ATF6: variants seen among roughly 807,000 people sequenced by gnomAD.
The protein encoded by ATF6 is cyclic AMP-dependent transcription factor ATF-6 alpha.
In ATF6, 53 loss-of-function variants were observed where a neutral mutation model predicts 83.6. That is an observed-to-expected ratio of 0.63 (90% CI 0.51 to 0.80). ATF6 has a LOEUF of 0.80. Among genes scored for constraint, ATF6 ranks in the 30% least tolerant of loss-of-function variants. The pLI, the probability that ATF6 is intolerant of heterozygous loss-of-function variation, is 0.00. For missense variants in ATF6, 744 were observed against 797.9 expected (o/e 0.93, Z 0.81); for synonymous variants, 288 against 285.8 (o/e 1.01, Z -0.08).
chr1:161,790,639 C>G (rs1003317280), intron 4 of ATF6, among the ~76,000 whole-genome samples: 1 of 151,986 alleles, frequency 6.6e-6, no homozygotes, highest in African/African-American at 2.4e-5. Flanking sequence ...GTGAAACCCC[C>G]TCTCTACCAG....
At chr1:161,844,462 G>A (rs1327874966) in intron 9 of ATF6, among the ~76,000 whole-genome samples, 1 of 152,080 alleles carries the variant, frequency 6.6e-6, no homozygotes, top group Non-Finnish European at 1.5e-5. Flanking sequence ...TAAAAAGGAA[G>A]CACATTTCTA....
intron 15 of ATF6, among the ~76,000 whole-genome samples, chr1:161,949,839 C>T (rs1688827329): frequency 6.6e-6 from 1 of 152,166 alleles, no homozygotes; most frequent in South Asian, 2.1e-4. Flanking sequence ...TAAGCCCCAC[C>T]TCCAACATTA....
At chr1:161,844,810 T>G (rs1443608788) in intron 9 of ATF6, among the ~76,000 whole-genome samples, 1 of 152,174 alleles carries the variant, frequency 6.6e-6, no homozygotes, top group Non-Finnish European at 1.5e-5. Context: ...AAATTGCTAT[T>G]GTTTTCTGCT....
At chr1:161,946,275 G>A (rs539200428) in intron 15 of ATF6, among the ~76,000 whole-genome samples, 2 of 152,242 alleles carry the variant, frequency 1.3e-5, no homozygotes, top group African/African-American at 4.8e-5. Context: ...GATTGCAGGC[G>A]TCAGCCACTA....
intron 15 of ATF6, among the ~76,000 whole-genome samples, chr1:161,930,087 C>A (rs1190539341): frequency 6.6e-6 from 1 of 152,170 alleles, no homozygotes; most frequent in Non-Finnish European, 1.5e-5. Context: ...CCCCTTGGCT[C>A]TAAAGTTCTA....
chr1:161,924,991 G>C (rs1212688389), intron 15 of ATF6, among the ~76,000 whole-genome samples: 1 of 152,164 alleles, frequency 6.6e-6, no homozygotes, highest in Admixed American at 6.6e-5. Context: ...GCTTTAAATA[G>C]CTCTGGCAAT....
intron 15 of ATF6, among the ~76,000 whole-genome samples, chr1:161,932,451 C>T (rs1688453357): frequency 6.6e-6 from 1 of 151,816 alleles, no homozygotes; most frequent in African/African-American, 2.4e-5. Flanking sequence ...CCAAATTGGC[C>T]CTTTTTAAAC....
intron 9 of ATF6, among the ~76,000 whole-genome samples, chr1:161,824,414 AC>A (rs1685839039): frequency 1.4e-5 from 2 of 148,078 alleles, no homozygotes; most frequent in Admixed American, 6.8e-5. Flanking sequence ...CTCAAATGCC[AC>A]CCCTGTGAGG....
intron 9 of ATF6, among the ~76,000 whole-genome samples, chr1:161,827,429 A>G (rs144232985): frequency 2.0e-4 from 31 of 151,656 alleles, no homozygotes; most frequent in African/African-American, 7.5e-4. Flanking sequence ...CATAGGCTTT[A>G]AAAAAAAAGA....
chr1:161,818,222 T>C (rs1202323840), intron 7 of ATF6, among the ~76,000 whole-genome samples: 2 of 152,044 alleles, frequency 1.3e-5, no homozygotes, highest in African/African-American at 4.8e-5. Flanking sequence ...ATATAGAAAT[T>C]AGTAATTCAA....
chr1:161,779,951 T>C (rs1368538783), intron 2 of ATF6, among the ~76,000 whole-genome samples: 1 of 152,096 alleles, frequency 6.6e-6, no homozygotes, highest in Non-Finnish European at 1.5e-5. Context: ...TTGGCCAGGC[T>C]AGTCTCAAAC....
chr1:161,883,959 TA>T (rs1687369157), intron 14 of ATF6, among the ~76,000 whole-genome samples: 1 of 152,054 alleles, frequency 6.6e-6, no homozygotes, highest in Non-Finnish European at 1.5e-5. Flanking sequence ...GGTCAGCTTT[TA>T]AAAGTTTATC....
chr1:161,794,676 A>G (rs1297126311), intron 6 of ATF6, among the ~76,000 whole-genome samples: 3 of 152,144 alleles, frequency 2.0e-5, no homozygotes, highest in Non-Finnish European at 2.9e-5. Context: ...TTCTAGCTCA[A>G]CTAATCTGTC....
intron 5 of ATF6, 21 bp from the exon 6 acceptor site, chr1:161,792,103 G>A (rs773580975): frequency 6.2e-7 from 1 of 1,610,080 alleles, no homozygotes; most frequent in Non-Finnish European, 8.5e-7. Context: ...TTGACTTGTG[G>A]TTTGTCTGGT....
intron 9 of ATF6, among the ~76,000 whole-genome samples, chr1:161,839,752 A>G (rs553605656): frequency 3.9e-4 from 60 of 152,162 alleles, no homozygotes; most frequent in Non-Finnish European, 6.5e-4. Context: ...GGTTAGCCAT[A>G]TGGATATCTG....
intron 14 of ATF6, among the ~76,000 whole-genome samples, chr1:161,880,286 TAAA>T (rs966384658): frequency 2.0e-5 from 3 of 151,998 alleles, no homozygotes; most frequent in African/African-American, 7.3e-5. Flanking sequence ...TGACATATAA[TAAA>T]CTGCACATAT....
intron 14 of ATF6, among the ~76,000 whole-genome samples, chr1:161,875,357 G>C (rs1368990612): frequency 1.3e-5 from 2 of 151,820 alleles, no homozygotes; most frequent in East Asian, 3.9e-4. Context: ...CTTGCACTTT[G>C]AATGGATCTT....
chr1:161,911,491 G>A (rs1571231423), intron 14 of ATF6, among the ~76,000 whole-genome samples: 1 of 152,178 alleles, frequency 6.6e-6, no homozygotes, highest in Non-Finnish European at 1.5e-5. Context: ...GTACTTGTGT[G>A]CTGGAAATTA....
At chr1:161,865,447 C>T (rs944607387) in intron 14 of ATF6, among the ~76,000 whole-genome samples, 8 of 152,054 alleles carry the variant, frequency 5.3e-5, no homozygotes, top group Admixed American at 1.3e-4. Flanking sequence ...CATGAGCCAC[C>T]GCGCCCAACC....
Sources: allele counts gnomAD v4.1 joint callset (sites outside exome capture counted in the v4.1 genomes callset), GRCh38; gene constraint gnomAD v4.1.1; transcripts MANE v1.5; gene names NCBI Gene and HGNC (gene_info 2026-07-23, HGNC 2026-07-21).